ZMIZ1: variants seen among roughly 807,000 people sequenced by gnomAD.
ZMIZ1 encodes the protein zinc finger MIZ domain-containing protein 1.
In ZMIZ1, 17 loss-of-function variants were observed where a neutral mutation model predicts 113.9. The ratio of observed to expected loss-of-function variants is 0.15; its 90% confidence interval spans 0.10 to 0.22. The LOEUF (loss-of-function observed/expected upper bound fraction) is 0.22, where lower values mean the gene tolerates loss of function less well. Ranked by LOEUF, ZMIZ1 falls within the 10% of genes least tolerant of loss-of-function variation. The pLI is 1.00. For missense variants in ZMIZ1, 1,059 were observed against 1,477.8 expected (o/e 0.72, Z 4.65); for synonymous variants, 607 against 603.1 (o/e 1.01, Z -0.09).
intron 4 of ZMIZ1, among the ~76,000 whole-genome samples, chr10:79,168,054 C>G (rs769909872): frequency 6.6e-6 from 1 of 152,180 alleles, no homozygotes; most frequent in Admixed American, 6.5e-5. Context: ...GTCAGGCTGG[C>G]GGCAGAACAG....
At chr10:79,182,420 G>A (rs757534554) in intron 4 of ZMIZ1, among the ~76,000 whole-genome samples, 1 of 152,136 alleles carries the variant, frequency 6.6e-6, no homozygotes, top group Non-Finnish European at 1.5e-5. Context: ...CCTGCTTCTC[G>A]AGAGAGCTCT....
intron 4 of ZMIZ1, among the ~76,000 whole-genome samples, chr10:79,167,822 C>A (rs1438040106): frequency 6.6e-6 from 1 of 152,188 alleles, no homozygotes; most frequent in Non-Finnish European, 1.5e-5. Flanking sequence ...GGAAAGGTCA[C>A]CCCTGCCCTC....
rs116817863 is a variant in ZMIZ1 at position 79,141,125 on chromosome 10, C to T, written c.-131+1348C>T. On this transcript the variant is annotated intron_variant, in intron 3 of 24. Transcript: ENST00000334512. ...CTCAAAGCCTGTGTGGTGACCATGA[C>T]GACACAGGGGACGAGGGAGAGGGGA... Among the ~76,000 whole-genome samples the T allele has an allele frequency of 5.7e-3, 863 of 152,162 alleles. 7 individuals are homozygous for T. The highest frequency in any genetic ancestry group is 0.019 in the African/African-American group (808 of 41,494).
At chr10:79,278,343 T>G (rs80127878) in intron 8 of ZMIZ1, among the ~76,000 whole-genome samples, 1 of 152,142 alleles carries the variant, frequency 6.6e-6, no homozygotes, top group Admixed American at 6.5e-5. Context: ...AGCTCCAAGC[T>G]TCTCTTCTGT....
At chr10:79,102,522 G>GA (rs1843402388) in intron 1 of ZMIZ1, among the ~76,000 whole-genome samples, 1 of 152,248 alleles carries the variant, frequency 6.6e-6, no homozygotes, top group South Asian at 2.1e-4. Context: ...GAGCTGAGGG[G>GA]GGACAGGATG....
rs1853923808 is a variant in ZMIZ1 at position 79,296,750 on chromosome 10, TG to T, written c.1413+98del. On this transcript the variant is annotated intron_variant, in intron 13 of 24. Coordinates refer to ENST00000334512, the MANE Select transcript of ZMIZ1 (RefSeq NM_020338.4). The surrounding 1 kb of genome is among the most constrained non-coding windows in gnomAD (Gnocchi z 4.1). ...GGATCACTCTGACCCTGCGTGTGTT[TG>T]CCCCAAGGACAGCGAGGGGTGGGTG... 7.8e-6 allele frequency: 10 copies of T among 1,279,188 alleles called. No homozygotes were observed. Among genetic ancestry groups the T allele is most frequent in the Non-Finnish European group, 9.5e-6 (9 of 947,752 alleles). The allele number at this position is 1,279,188 out of a possible 1,614,324, so 79.2% of individuals were successfully genotyped here.
At chr10:79,082,209 G>C (rs931412838) in intron 1 of ZMIZ1, among the ~76,000 whole-genome samples, 5 of 152,362 alleles carry the variant, frequency 3.3e-5, no homozygotes, top group African/African-American at 9.6e-5. Context: ...ACTCGTCCTG[G>C]GGGCAGGCAC....
At chr10:79,216,094 T>C in intron 6 of ZMIZ1, 75 bp from the exon 7 acceptor site, 3 of 1,136,714 alleles carry the variant, frequency 2.6e-6, no homozygotes, top group Non-Finnish European at 3.6e-6. Flanking sequence ...CCTCACCCAC[T>C]TCACCTGCAA....
rs73304136 is a variant in ZMIZ1 at position 79,262,763 on chromosome 10, G to A, written c.281-14418G>A. ...GACATGTATTCTCCAGAATGCACAG[G>A]GACCCCTGCAGCTGGGAAGGAGGGC... On this transcript the variant is annotated intron_variant, in intron 7 of 24. Transcript: ENST00000334512. 1.5e-3 allele frequency among the ~76,000 whole-genome samples: 235 copies of A among 152,318 alleles called. 2 individuals are homozygous for A. Among genetic ancestry groups the A allele is most frequent in the African/African-American group, 5.4e-3 (223 of 41,574 alleles).
intron 20 of ZMIZ1, 101 bp downstream of exon 20, chr10:79,305,332 A>C: frequency 2.8e-6 from 4 of 1,418,384 alleles, no homozygotes; most frequent in Non-Finnish European, 4.0e-6. Flanking sequence ...TGCAAACCAG[A>C]ACCCAAACAT....
intron 11 of ZMIZ1, among the ~76,000 whole-genome samples, chr10:79,292,620 G>T (rs1293763812): frequency 6.6e-6 from 1 of 152,136 alleles, no homozygotes; most frequent in Non-Finnish European, 1.5e-5. Context: ...GGTGGCTCAT[G>T]TACAACTGCA....
intron 4 of ZMIZ1, among the ~76,000 whole-genome samples, chr10:79,163,343 T>C (rs188622912): frequency 6.6e-6 from 1 of 152,262 alleles, no homozygotes; most frequent in Non-Finnish European, 1.5e-5. Flanking sequence ...GTCTGCTGAT[T>C]GGCTGCATGA....
intron 1 of ZMIZ1, among the ~76,000 whole-genome samples, chr10:79,098,481 A>G (rs1843246835): frequency 6.6e-6 from 1 of 152,058 alleles, no homozygotes; most frequent in African/African-American, 2.4e-5. Flanking sequence ...ATAGTTGACC[A>G]CCTATCTCGA....
intron 7 of ZMIZ1, among the ~76,000 whole-genome samples, chr10:79,240,143 TTCA>T (rs1849755383): frequency 6.6e-6 from 1 of 151,030 alleles, no homozygotes; most frequent in African/African-American, 2.4e-5. Context: ...CTGGCGGGCA[TTCA>T]TCAAGGAGCC....
chr10:79,169,966 A>G lies in ZMIZ1; in HGVS notation c.-50+7833A>G, dbSNP rs1232642987. On this transcript the variant is annotated intron_variant, in intron 4 of 24. Transcript: ENST00000334512. Reference sequence around the variant, plus strand: ...CCCTCTCCAGAGACAATGGACCCCCAGGTCTTCTCTTGAGCTTTCAAGTGG... The same window carrying G: ...CCCTCTCCAGAGACAATGGACCCCCGGGTCTTCTCTTGAGCTTTCAAGTGG... Among the ~76,000 whole-genome samples the G allele has an allele frequency of 2.0e-5, 3 of 152,326 alleles. No homozygotes were observed. The East Asian group carries it at 5.8e-4, about 29-fold the overall frequency.
intron 4 of ZMIZ1, among the ~76,000 whole-genome samples, chr10:79,166,185 C>T (rs1643145630): frequency 6.6e-6 from 1 of 152,168 alleles, no homozygotes; most frequent in South Asian, 2.1e-4. Context: ...TCCCAGGGTC[C>T]CTGCACCTCC....
At chr10:79,270,630 C>T (rs1052702707) in intron 7 of ZMIZ1, among the ~76,000 whole-genome samples, 2 of 152,106 alleles carry the variant, frequency 1.3e-5, no homozygotes, top group African/African-American at 4.8e-5. Context: ...ACCCTGGTGT[C>T]CCCGTGGCTT....
At chr10:79,114,603 G>T (rs549780588) in intron 1 of ZMIZ1, among the ~76,000 whole-genome samples, 14 of 151,924 alleles carry the variant, frequency 9.2e-5, no homozygotes, top group African/African-American at 3.4e-4. Flanking sequence ...TCTCTGCTAA[G>T]AGCAAGATAA....
At chr10:79,279,119 C>CCCGGACGGGGCGGCTGG (rs1156311523) in intron 8 of ZMIZ1, among the ~76,000 whole-genome samples, 2 of 149,758 alleles carry the variant, frequency 1.3e-5, no homozygotes, top group East Asian at 2.0e-4. Flanking sequence ...CCCCCCACCT[C>CCCGGACGGGGCGGCTGG]CCGGACGGGG....
Sources: gnomAD v4.1 joint callset for allele counts (sites outside exome capture counted in the v4.1 genomes callset) on GRCh38, gnomAD v4.1.1 for gene constraint, Gnocchi (gnomAD v3.1) non-coding constraint, MANE v1.5 for transcripts, NCBI Gene and HGNC (gene_info 2026-07-23, HGNC 2026-07-21) for gene names.